The following FZR1 variants were observed in gnomAD, a reference collection of about 807,000 sequenced individuals.
FZR1 encodes the protein fizzy and cell division cycle 20 related 1, also known as fizzy-related protein homolog.
FZR1 carries 11 observed loss-of-function variants against 63.6 expected under a neutral mutation model. The ratio of observed to expected loss-of-function variants is 0.17; its 90% CI spans 0.11 to 0.29. The LOEUF is 0.29. Among genes scored for constraint, FZR1 ranks in the 10% least tolerant of loss-of-function variants. FZR1 has a pLI of 1.00. For synonymous variants in FZR1, 328 were observed against 297.9 expected (o/e 1.10, Z -1.04); for missense variants, 440 against 687.5 (o/e 0.64, Z 4.03).
At chr19:3,524,996 G>T (rs930543746) in intron 2 of FZR1, among the ~76,000 whole-genome samples, 2 of 152,128 alleles carry the variant, frequency 1.3e-5, no homozygotes, top group Non-Finnish European at 2.9e-5. Flanking sequence ...ACACCGGTCA[G>T]CTGATAACAG....
Position 3,532,390 on chromosome 19 carries a change from C to T in FZR1, c.1009-27C>T, listed in dbSNP as rs766106722. On this transcript the variant is annotated intron_variant, in intron 10 of 13. Transcript: ENST00000441788. Reference sequence around the variant, plus strand: ...TATGGGACCACAGGGCTGGGACAGCCCCGGCCTCACAGCCCCTGTCCCCCA... The same window carrying T: ...TATGGGACCACAGGGCTGGGACAGCTCCGGCCTCACAGCCCCTGTCCCCCA... The T allele has an allele frequency of 8.4e-6, 13 of 1,552,706 alleles. No individual in the cohort carries two copies. The African/African-American group carries it at 1.8e-4, about 21-fold the overall frequency.
chr19:3,525,625 G>C lies in FZR1; in HGVS notation c.70-243G>C, dbSNP rs2083148554. Reference sequence around the variant, plus strand: ...GCCCGGCTGATTTTTTGTATTTTTAGTAGAGACGAGGTTTCACAGTGTTAG... The same window carrying C: ...GCCCGGCTGATTTTTTGTATTTTTACTAGAGACGAGGTTTCACAGTGTTAG... On this transcript the variant is annotated intron_variant, in intron 2 of 13. Coordinates refer to ENST00000441788, the MANE Select transcript of FZR1 (RefSeq NM_016263.4). This position sits in a 1 kb window ranked among gnomAD's most constrained non-coding sequence, Gnocchi z 4.2. 6.6e-6 allele frequency among the ~76,000 whole-genome samples: 1 copy of C among 151,856 alleles called. No individual in the cohort carries two copies. Among genetic ancestry groups the C allele is most frequent in the East Asian group, 1.9e-4 (1 of 5,170 alleles).
Position 3,531,793 on chromosome 19 carries a change from T to C in FZR1, c.800T>C (p.Leu267Ser). ...DAAAGKKLSMLEGHTARVGAL... is the reference protein window; with the variant it reads ...DAAAGKKLSMSEGHTARVGAL... The stretch of plus-strand genomic sequence containing the variant: ...GCCGCAGGGAAGAAGCTGTCCATGT[T>C]GGAGGGCCACACGGCACGCGTCGGT... The change falls in exon 9 of 14, where the codon TTG (leucine) becomes TCG (serine). Residue 267 changes from leucine to serine, a missense_variant. Transcript: ENST00000441788. The C allele has an allele frequency of 2.6e-6, 4 of 1,550,452 alleles. No homozygotes were observed. Among genetic ancestry groups the C allele is most frequent in the Non-Finnish European group, 3.5e-6 (4 of 1,146,808 alleles).
Position 3,532,050 on chromosome 19 carries a change from G to C in FZR1, c.963G>C (p.Trp321Cys), listed in dbSNP as rs1372820976. Reference sequence around the variant, plus strand: ...GGCAGGAGGTGTGCGGGCTCAAGTGGTCCACAGACCACCAGCTCCTCGCCT... The same window carrying C: ...GGCAGGAGGTGTGCGGGCTCAAGTGCTCCACAGACCACCAGCTCCTCGCCT... ...GHRQEVCGLKWSTDHQLLASG... is the reference protein window; with the variant it reads ...GHRQEVCGLKCSTDHQLLASG... Residue 321 changes from tryptophan to cysteine, a missense_variant, in exon 10 of 14, where the codon TGG becomes TGC. This residue lies in a region of FZR1 where 208 missense variants were observed against 363.6 expected (regional missense o/e 0.57). Coordinates refer to ENST00000441788, the MANE Select transcript of FZR1 (RefSeq NM_016263.4). 1 of 1,534,582 alleles carries C rather than the reference G, an allele frequency of 6.5e-7. No individual in the cohort carries two copies. The highest frequency in any genetic ancestry group is 1.2e-5 in the South Asian group (1 of 84,150).
intron 1 of FZR1, among the ~76,000 whole-genome samples, chr19:3,520,169 C>T (rs1222529631): frequency 6.6e-6 from 1 of 152,206 alleles, no homozygotes. Context: ...AGTGCTGGCC[C>T]AGGAGTGGTC....
At chr19:3,508,614 CTTGG>C (rs1227998282) in intron 1 of FZR1, among the ~76,000 whole-genome samples, 2 of 152,142 alleles carry the variant, frequency 1.3e-5, no homozygotes, top group Admixed American at 6.5e-5. Context: ...GGACCTTTTG[CTTGG>C]TGTCATTTAG....
intron 7 of FZR1, among the ~76,000 whole-genome samples, chr19:3,529,713 C>CGGATGGGAGAGCGGATGGGAGAGT (rs2083213212): frequency 2.4e-5 from 3 of 126,576 alleles, no homozygotes; most frequent in African/African-American, 6.0e-5. Flanking sequence ...GATGGGAGAG[C>CGGATGGGAGAGCGGATGGGAGAGT]GGATGGGAGA....
Position 3,519,708 on chromosome 19 carries a change from A to T in FZR1, c.-34-3248A>T, listed in dbSNP as rs571855778. ...CACGCACCACCTCTGCACAGCCTGG[A>T]CTGAGCACTGCACTTCCGACGGAGA... On this transcript the variant is annotated intron_variant, in intron 1 of 13. Coordinates refer to ENST00000441788, the MANE Select transcript of FZR1 (RefSeq NM_016263.4). Among the ~76,000 whole-genome samples the T allele has an allele frequency of 1.4e-4, 21 of 152,304 alleles. No individual in the cohort carries two copies. In the East Asian group the frequency reaches 3.7e-3, roughly 27 times the overall value.
rs545257000 is a variant in FZR1 at position 3,534,401 on chromosome 19, T to C, written c.1348-20T>C. The C allele has an allele frequency of 2.1e-6, 3 of 1,406,550 alleles. No individual in the cohort carries two copies. In the African/African-American group the frequency reaches 4.2e-5, roughly 20 times the overall value. 87.1% of individuals were successfully genotyped at this position (1,406,550 alleles called of 1,614,324 possible). Reference sequence around the variant, plus strand: ...CACCTAGAGGCCCAGAGACATGGGGTGCTTCCCTCCTGTCCACAGGCAATG... The same window carrying C: ...CACCTAGAGGCCCAGAGACATGGGGCGCTTCCCTCCTGTCCACAGGCAATG... On this transcript the variant is annotated intron_variant, in intron 12 of 13. Coordinates refer to ENST00000441788, the MANE Select transcript of FZR1 (RefSeq NM_016263.4).
chr19:3,532,435 T>C lies in FZR1; in HGVS notation c.1027T>C (p.Ser343Pro). 2 of 1,593,160 alleles carry C rather than the reference T, an allele frequency of 1.3e-6. No homozygotes were observed. Among genetic ancestry groups the C allele is most frequent in the Non-Finnish European group, 1.7e-6 (2 of 1,168,624 alleles). Reference protein sequence around the residue: ...NDNKLLVWNHSSLSPVQQYTE... With the variant: ...NDNKLLVWNHPSLSPVQQYTE... ...CCCCCAGCTGCTGGTCTGGAATCAC[T>C]CGAGCCTGAGCCCCGTGCAGCAGTA... Residue 343 changes from serine (S) to proline (P), a missense_variant, in exon 11 of 14, where the codon TCG becomes CCG. Transcript: ENST00000441788.
At chr19:3,532,349 C>G in intron 10 of FZR1, 68 bp from the exon 11 acceptor site, 2 of 1,277,866 alleles carry the variant, frequency 1.6e-6, no homozygotes, top group Non-Finnish European at 2.2e-6. Context: ...GGTCGTCACA[C>G]CTGTGAGGAC....
At position 3,526,022 on chromosome 19, in the gene FZR1, AC is replaced by A; in HGVS notation, c.195+35del. On this transcript the variant is annotated intron_variant, in intron 3 of 13. Coordinates refer to ENST00000441788, the MANE Select transcript of FZR1 (RefSeq NM_016263.4). This position sits in a 1 kb window ranked among gnomAD's most constrained non-coding sequence, Gnocchi z 5.4. ...AGGGGCTGGCTGGGCAGGAGATGGG[AC>A]CCCCCGGGAAGCCCAGGGCCCCTCC... is the stretch of plus-strand genomic sequence containing the variant. 5 of 1,610,642 alleles carry A rather than the reference AC, an allele frequency of 3.1e-6. No homozygotes were observed. Among genetic ancestry groups the A allele is most frequent in the Middle Eastern group, 1.7e-4 (1 of 6,054 alleles).
chr19:3,526,887 C>A lies in FZR1; in HGVS notation c.388-93C>A. 1.1e-6 allele frequency: 1 copy of A among 875,162 alleles called. No homozygotes were observed. The highest frequency in any genetic ancestry group is 1.9e-6 in the Non-Finnish European group (1 of 530,076). 54.2% of individuals were successfully genotyped at this position (875,162 alleles called of 1,614,324 possible). On this transcript the variant is annotated intron_variant, in intron 5 of 13. Coordinates refer to ENST00000441788, the MANE Select transcript of FZR1 (RefSeq NM_016263.4). This position sits in a 1 kb window ranked among gnomAD's most constrained non-coding sequence, Gnocchi z 5.4. ...CAGGGTCTCAGCACCTGCCTTAGGG[C>A]TATGAGCTGTACCGGGAGCGTGGGC...
chr19:3,508,977 C>G (rs2083005773), intron 1 of FZR1, among the ~76,000 whole-genome samples: 1 of 152,212 alleles, frequency 6.6e-6, no homozygotes. Flanking sequence ...AGCGGGCCCC[C>G]TGTTGGCACT....
rs1351769222 is a variant in FZR1, at chr19:3,506,328, C to A, written c.-181C>A. 6.6e-6 allele frequency: 1 copy of A among 150,772 alleles called. No individual in the cohort carries two copies. Among genetic ancestry groups the A allele is most frequent in the Non-Finnish European group, 1.5e-5 (1 of 67,556 alleles). 9.3% of individuals were successfully genotyped at this position (150,772 alleles called of 1,614,324 possible). ...CGGGAGGCAGCGGAGGAGCGACCGC[C>A]GCCATATTAGGGACCGCGGAGCCCG... On this transcript the variant is annotated 5_prime_UTR_variant, in exon 1 of 14. Transcript: ENST00000441788.
At chr19:3,534,548 GC>G in intron 13 of FZR1, 35 bp downstream of exon 13, 1 of 1,384,344 alleles carries the variant, frequency 7.2e-7, no homozygotes, top group Non-Finnish European at 1.0e-6. Context: ...ACTCGCCCCC[GC>G]CCCAGCCTGT....
At chr19:3,507,024 C>T (rs1396751321) in intron 1 of FZR1, among the ~76,000 whole-genome samples, 2 of 152,140 alleles carry the variant, frequency 1.3e-5, no homozygotes, top group African/African-American at 4.8e-5. Flanking sequence ...AAAATGCAGT[C>T]CCAGCCCGGG....
intron 1 of FZR1, among the ~76,000 whole-genome samples, chr19:3,507,872 A>C (rs1316377309): frequency 2.6e-5 from 4 of 152,222 alleles, no homozygotes; most frequent in African/African-American, 9.7e-5. Context: ...TTTCCTTCGG[A>C]ATCCCAAGTG....
intron 6 of FZR1, 44 bp downstream of exon 6, chr19:3,527,106 C>A: frequency 7.0e-7 from 1 of 1,437,336 alleles, no homozygotes; most frequent in Non-Finnish European, 9.8e-7. Flanking sequence ...TCCCTGTCTC[C>A]CGTCAGCAGC....
Sources: allele counts gnomAD v4.1 joint callset (sites outside exome capture counted in the v4.1 genomes callset), GRCh38; gene constraint gnomAD v4.1.1; regional missense constraint gnomAD v4.1.1; non-coding constraint Gnocchi (gnomAD v3.1); transcripts MANE v1.5; gene names NCBI Gene and HGNC (gene_info 2026-07-23, HGNC 2026-07-21).